The following RAP1GAP2 variants were observed in gnomAD, a reference collection of about 807,000 sequenced individuals.
RAP1GAP2 encodes rap1 GTPase-activating protein 2.
In RAP1GAP2, 27 loss-of-function variants were observed where a neutral mutation model predicts 95.0. The observed-to-expected ratio is 0.28, with a 90% CI of 0.21 to 0.39. RAP1GAP2 has a LOEUF of 0.39. Among genes scored for constraint, RAP1GAP2 ranks in the 10% least tolerant of loss-of-function variants. RAP1GAP2 has a pLI of 1.00. For missense variants in RAP1GAP2, 771 were observed against 970.0 expected (o/e 0.79, Z 2.72); for synonymous variants, 373 against 380.9 (o/e 0.98, Z 0.24).
In RAP1GAP2 at chr17:2,876,978, T is replaced by C. The variant is rs186023339; in HGVS notation, c.81-28306T>C. On this transcript the variant is annotated intron_variant, in intron 2 of 24. Transcript: ENST00000254695. ...ATCTTGGCTCACCGCAACCTCCACC[T>C]CCCGGGTTCAAGCGATTCTCCTGCC... Among the ~76,000 whole-genome samples the C allele has an allele frequency of 3.9e-3, 555 of 143,858 alleles. 5 individuals carry two copies. Among genetic ancestry groups the C allele is most frequent in the Middle Eastern group, 0.029 (8 of 272 alleles). The allele number at this position is 143,858 out of a possible 152,430, so 94.4% of individuals were successfully genotyped here. A position where few individuals can be genotyped will look rare whatever the true frequency, so the allele number is the denominator to read the frequency against.
chr17:2,872,617 C>T (rs1171393264), intron 2 of RAP1GAP2, among the ~76,000 whole-genome samples: 1 of 152,074 alleles, frequency 6.6e-6, no homozygotes, highest in Admixed American at 6.6e-5. Context: ...TCATGGCTTC[C>T]TTTTGTTAGG....
rs545080550 is a variant in RAP1GAP2 at position 2,871,144 on chromosome 17, C to T, written c.81-34140C>T. On this transcript the variant is annotated intron_variant, in intron 2 of 24. Coordinates refer to ENST00000254695, the MANE Select transcript of RAP1GAP2 (RefSeq NM_015085.5). The surrounding 1 kb of genome is among the most constrained non-coding windows in gnomAD (Gnocchi z 5.0). ...CTAATTTTTGTATTTTTAATAGAGA[C>T]GAGGTTTCACCATGTTGGCCAGGCT... Among the ~76,000 whole-genome samples, 8 of 152,214 alleles carry T rather than the reference C, an allele frequency of 5.3e-5. No individual in the cohort carries two copies. In the East Asian group the frequency reaches 9.7e-4, roughly 18 times the overall value.
chr17:3,021,336 C>G lies in RAP1GAP2; in HGVS notation c.1751+741C>G, dbSNP rs565913703. Among the ~76,000 whole-genome samples the G allele has an allele frequency of 1.2e-4, 19 of 152,066 alleles. 1 individual carries two copies. Among genetic ancestry groups the G allele is most frequent in the Non-Finnish European group, 1.9e-4 (13 of 68,010 alleles). On this transcript the variant is annotated intron_variant, in intron 19 of 24. Coordinates refer to ENST00000254695, the MANE Select transcript of RAP1GAP2 (RefSeq NM_015085.5). ...TCCCTTCATCCTGCCCTCCCCCGCC[C>G]CTTCCCAGCCTCTGGTGACACCAGT...
chr17:2,776,897 G>A (rs2068515573), upstream of RAP1GAP2, among the ~76,000 whole-genome samples: 1 of 152,136 alleles, frequency 6.6e-6, no homozygotes, highest in African/African-American at 2.4e-5. Flanking sequence ...GGGGACTGAG[G>A]TGCCCTTCGC....
intron 2 of RAP1GAP2, among the ~76,000 whole-genome samples, chr17:2,854,561 A>T (rs898006831): frequency 2.6e-5 from 4 of 152,136 alleles, no homozygotes; most frequent in Non-Finnish European, 4.4e-5. Flanking sequence ...GCAAGTTTGG[A>T]GGTTGTTCGC....
chr17:2,776,700 G>A (rs1344910003), upstream of RAP1GAP2, among the ~76,000 whole-genome samples: 3 of 149,446 alleles, frequency 2.0e-5, no homozygotes, highest in South Asian at 2.1e-4. Flanking sequence ...CGTGCGCGGC[G>A]GCGGCGGCGA....
chr17:2,845,721 C>T (rs970871030), intron 2 of RAP1GAP2, among the ~76,000 whole-genome samples: 2 of 150,988 alleles, frequency 1.3e-5, no homozygotes, highest in Non-Finnish European at 1.5e-5. Flanking sequence ...ATTAGTTGGG[C>T]GTGGTGGTAG....
At chr17:2,808,152 C>G (rs1231379910) in intron 2 of RAP1GAP2, among the ~76,000 whole-genome samples, 1 of 152,092 alleles carries the variant, frequency 6.6e-6, no homozygotes, top group African/African-American at 2.4e-5. Flanking sequence ...GTCCAAGAGC[C>G]TAATCTTTCT....
At chr17:2,860,689 C>T (rs1285154783) in intron 2 of RAP1GAP2, among the ~76,000 whole-genome samples, 1 of 148,944 alleles carries the variant, frequency 6.7e-6, no homozygotes, top group Non-Finnish European at 1.5e-5. Context: ...CTGCAGCCTC[C>T]GCCTCCTGGG....
In RAP1GAP2 at chr17:2,855,046, G is replaced by A. The variant is rs1200452349; in HGVS notation, c.81-50238G>A. On this transcript the variant is annotated intron_variant, in intron 2 of 24. Transcript: ENST00000254695. This position sits in a 1 kb window ranked among gnomAD's most constrained non-coding sequence, Gnocchi z 4.3. ...AGTGGAACCAGAGACACCTGGGGGT[G>A]ACCAGCAGCCCCTGGATATGCCCAC... 2.0e-5 allele frequency among the ~76,000 whole-genome samples: 3 copies of A among 152,174 alleles called. No homozygotes were observed. Among genetic ancestry groups the A allele is most frequent in the Admixed American group, 1.3e-4 (2 of 15,280 alleles).
At chr17:2,770,606 G>A (rs889292249) in intron 2 of RAP1GAP2, among the ~76,000 whole-genome samples, 1 of 152,246 alleles carries the variant, frequency 6.6e-6, no homozygotes, top group Non-Finnish European at 1.5e-5. Context: ...TATCAGCCTG[G>A]ATGCTTGTCC....
At chr17:2,883,970 C>A (rs930802749) in intron 2 of RAP1GAP2, among the ~76,000 whole-genome samples, 2 of 152,254 alleles carry the variant, frequency 1.3e-5, no homozygotes, top group African/African-American at 4.8e-5. Flanking sequence ...CCTGTGGTTA[C>A]CCACGTCAGT....
intron 17 of RAP1GAP2, among the ~76,000 whole-genome samples, chr17:3,011,846 T>G (rs971613479): frequency 6.6e-6 from 1 of 152,008 alleles, no homozygotes; most frequent in Non-Finnish European, 1.5e-5. Flanking sequence ...ACTCCTGACA[T>G]CAGGTGATCC....
At chr17:2,861,413 G>A (rs2072382496) in intron 2 of RAP1GAP2, among the ~76,000 whole-genome samples, 1 of 151,618 alleles carries the variant, frequency 6.6e-6, no homozygotes, top group African/African-American at 2.4e-5. Flanking sequence ...GTGAATGGAT[G>A]GAAGCCCAAG....
intron 2 of RAP1GAP2, among the ~76,000 whole-genome samples, chr17:2,901,430 C>A (rs12951612): frequency 0.23 from 34,815 of 152,060 alleles, 4,722 homozygotes; most frequent in Admixed American, 0.33. Flanking sequence ...TCTCATGGGT[C>A]CTTGTGGGTC....
chr17:2,913,901 C>T (rs1021203074), intron 3 of RAP1GAP2, among the ~76,000 whole-genome samples: 19 of 151,276 alleles, frequency 1.3e-4, no homozygotes, highest in African/African-American at 3.9e-4. Flanking sequence ...GGTGGAGTCT[C>T]GCTCTGTTGC....
At chr17:2,810,324 A>G (rs1353870382) in intron 2 of RAP1GAP2, among the ~76,000 whole-genome samples, 1 of 151,340 alleles carries the variant, frequency 6.6e-6, no homozygotes, top group African/African-American at 2.4e-5. Flanking sequence ...GAGTCTTTGA[A>G]TCTTAGGGCT....
intron 2 of RAP1GAP2, among the ~76,000 whole-genome samples, chr17:2,807,792 G>A (rs1435589893): frequency 6.6e-6 from 1 of 152,150 alleles, no homozygotes; most frequent in African/African-American, 2.4e-5. Flanking sequence ...TGCTGGAAGT[G>A]GGGCTGGATC....
At chr17:2,984,376 A>G (rs2045479675) in intron 10 of RAP1GAP2, among the ~76,000 whole-genome samples, 1 of 152,028 alleles carries the variant, frequency 6.6e-6, no homozygotes. Context: ...AACCCGAAAA[A>G]ACTTGGAGTT....
Sources: allele counts gnomAD v4.1 joint callset (sites outside exome capture counted in the v4.1 genomes callset), GRCh38; gene constraint gnomAD v4.1.1; non-coding constraint Gnocchi (gnomAD v3.1); transcripts MANE v1.5; gene names NCBI Gene and HGNC (gene_info 2026-07-23, HGNC 2026-07-21).